The following SLC26A7 variants were observed in gnomAD, a reference collection of about 807,000 sequenced individuals.
SLC26A7 encodes solute carrier family 26 member 7.
SLC26A7 carries 59 observed loss-of-function variants against 82.5 expected under a neutral mutation model. The ratio of observed to expected loss-of-function variants is 0.72; its 90% confidence interval spans 0.58 to 0.89. The LOEUF is 0.89. Ranked by LOEUF, SLC26A7 falls within the 40% of genes least tolerant of loss-of-function variation. The pLI, the probability that SLC26A7 is intolerant of heterozygous loss-of-function variation, is 0.00. For missense variants in SLC26A7, 820 were observed against 793.0 expected, an observed-to-expected ratio of 1.03 and a Z score of -0.41; for synonymous variants, 271 against 274.3, an observed-to-expected ratio of 0.99 and a Z score of 0.12.
At chr8:91,259,695 C>G (rs1216325838) in intron 2 of SLC26A7, among the ~76,000 whole-genome samples, 1 of 152,030 alleles carries the variant, frequency 6.6e-6, no homozygotes, top group Admixed American at 6.6e-5. Context: ...CATGGTATTT[C>G]CTCTAAAATG....
chr8:91,338,080 A>G (rs1272128448), intron 6 of SLC26A7, 70 bp from the exon 7 acceptor site: 2 of 1,006,546 alleles, frequency 2.0e-6, no homozygotes, highest in African/African-American at 1.7e-5. Flanking sequence ...TTACTTTTAA[A>G]AATTGTTTTA....
At chr8:91,365,937 A>G (rs1814179957) in intron 13 of SLC26A7, among the ~76,000 whole-genome samples, 1 of 152,224 alleles carries the variant, frequency 6.6e-6, no homozygotes, top group Non-Finnish European at 1.5e-5. Context: ...TTTTAGTTGC[A>G]CATCACCAAG....
chr8:91,259,643 G>C (rs1270707952), intron 2 of SLC26A7, among the ~76,000 whole-genome samples: 1 of 151,988 alleles, frequency 6.6e-6, no homozygotes, highest in Non-Finnish European at 1.5e-5. Context: ...ACCGCACTTA[G>C]TATTCTAAAG....
chr8:91,320,048 C>G (rs1812747969), intron 5 of SLC26A7, among the ~76,000 whole-genome samples: 1 of 152,060 alleles, frequency 6.6e-6, no homozygotes, highest in Non-Finnish European at 1.5e-5. Flanking sequence ...TAGATCAACA[C>G]TGTGGGACTT....
At chr8:91,223,016 G>A (rs1206375352) in intron 2 of SLC26A7, among the ~76,000 whole-genome samples, 14 of 152,100 alleles carry the variant, frequency 9.2e-5, no homozygotes, top group Admixed American at 9.2e-4. Flanking sequence ...TTCAGAACTT[G>A]CTATTGGTCT....
In SLC26A7 at chr8:91,353,522, T is replaced by C. The variant is rs922608780; in HGVS notation, c.1314+526T>C. On this transcript the variant is annotated intron_variant, in intron 11 of 18. Coordinates refer to ENST00000276609, the MANE Select transcript of SLC26A7 (RefSeq NM_052832.4). The stretch of plus-strand genomic sequence containing the variant: ...CAGATTAAAATATATTGAACCATGA[T>C]AAAGTGTGATTTCTACGAACATAAA... Among the ~76,000 whole-genome samples, 6 of 152,222 alleles carry C rather than the reference T, an allele frequency of 3.9e-5. No homozygotes were observed. In the South Asian group the frequency reaches 1.0e-3, roughly 26 times the overall value.
At chr8:91,334,103 G>A (rs561513696) in intron 5 of SLC26A7, among the ~76,000 whole-genome samples, 192 bp from the exon 6 acceptor site, 230 of 152,256 alleles carry the variant, frequency 1.5e-3, no homozygotes, top group Non-Finnish European at 2.8e-3. Context: ...AAAGAATCAA[G>A]GGTACAGAAA....
chr8:91,330,949 G>A (rs553799641), intron 5 of SLC26A7, among the ~76,000 whole-genome samples: 161 of 152,216 alleles, frequency 1.1e-3, no homozygotes, highest in Non-Finnish European at 1.9e-3. Flanking sequence ...CTGTAATCAA[G>A]AAGTCTAGAT....
chr8:91,384,764 GAGGAAGGA>G lies in SLC26A7; in HGVS notation c.1676-4548_1676-4541del, dbSNP rs34207560. Among the ~76,000 whole-genome samples the G allele has an allele frequency of 6.2e-3, 924 of 150,014 alleles. 6 individuals are homozygous for G. The highest frequency in any genetic ancestry group is 0.021 in the African/African-American group (835 of 40,224). The stretch of plus-strand genomic sequence containing the variant: ...TACATCTATATTAGCTGACTGCTGG[GAGGAAGGA>G]AGGAAGGAAGGAAGGAAGGAAGGAA... On this transcript the variant is annotated intron_variant, in intron 15 of 18. Transcript: ENST00000276609.
intron 2 of SLC26A7, among the ~76,000 whole-genome samples, chr8:91,254,777 T>C (rs1810756110): frequency 6.6e-6 from 1 of 152,188 alleles, no homozygotes; most frequent in Admixed American, 6.5e-5. Flanking sequence ...CTTGTATTTT[T>C]TAAAAATATT....
intron 2 of SLC26A7, among the ~76,000 whole-genome samples, chr8:91,286,623 C>T (rs1000786404): frequency 1.1e-4 from 16 of 151,990 alleles, no homozygotes; most frequent in East Asian, 1.9e-4. Context: ...TATTTTTCCC[C>T]GAAATAGTAG....
rs182456481 is a variant in SLC26A7, at chr8:91,288,097, G to A, written c.194-1039G>A. ...TGAAAAATATCTGAAAGATAACTAC[G>A]GAGCTTATTAAGAAGGGAATTTCAT... On this transcript the variant is annotated intron_variant, in intron 2 of 18. Coordinates refer to ENST00000276609, the MANE Select transcript of SLC26A7 (RefSeq NM_052832.4). Among the ~76,000 whole-genome samples the A allele has an allele frequency of 1.0e-3, 159 of 152,164 alleles. 1 individual carries two copies. Among genetic ancestry groups the A allele is most frequent in the South Asian group, 5.6e-3 (27 of 4,818 alleles).
At position 91,226,831 on chromosome 8, in the gene SLC26A7, G is replaced by T. The variant is rs2130669653; in HGVS notation, c.-34+7826G>T. 1.3e-5 allele frequency among the ~76,000 whole-genome samples: 2 copies of T among 152,358 alleles called. 1 individual carries two copies. The highest frequency in any genetic ancestry group is 3.9e-4 in the East Asian group (2 of 5,194). The stretch of plus-strand genomic sequence containing the variant: ...AGAGATCTGAAGCAAGTGAATGAGT[G>T]AGTCCTATGGATATAATGGATAGGA... On this transcript the variant is annotated intron_variant, in intron 2 of 5. Transcript: ENST00000522862.
chr8:91,234,781 T>TTCCTTCCC (rs1810363216), intron 2 of SLC26A7, among the ~76,000 whole-genome samples: 1 of 119,010 alleles, frequency 8.4e-6, no homozygotes, highest in Non-Finnish European at 1.9e-5. Flanking sequence ...CCTTCCTTCC[T>TTCCTTCCC]TCCCTCCCTC....
intron 5 of SLC26A7, among the ~76,000 whole-genome samples, chr8:91,323,411 A>G (rs7823924): frequency 0.055 from 8,329 of 152,274 alleles, 272 homozygotes; most frequent in African/African-American, 0.069. Flanking sequence ...TCCATCCCTC[A>G]CAATTCACTG....
At chr8:91,282,836 A>G (rs1811610458) in intron 2 of SLC26A7, among the ~76,000 whole-genome samples, 1 of 152,152 alleles carries the variant, frequency 6.6e-6, no homozygotes. Flanking sequence ...CTAAGCAAAC[A>G]TTTTCAGAAT....
At chr8:91,374,640 A>G (rs1467107010) in intron 15 of SLC26A7, among the ~76,000 whole-genome samples, 1 of 151,922 alleles carries the variant, frequency 6.6e-6, no homozygotes, top group African/African-American at 2.4e-5. Context: ...GATTTGCTTT[A>G]TGATCAAGCA....
At chr8:91,286,696 T>C (rs1811720778) in intron 2 of SLC26A7, among the ~76,000 whole-genome samples, 4 of 152,174 alleles carry the variant, frequency 2.6e-5, no homozygotes. Context: ...ACAGAGAAAG[T>C]AGAGATAATT....
chr8:91,340,319 G>C lies in SLC26A7; in HGVS notation c.879-85G>C, dbSNP rs1813367311. On this transcript the variant is annotated intron_variant, in intron 7 of 18. Transcript: ENST00000276609. ...TCACTTAGTCTATGTAAACTTCAGA[G>C]TCATTGCCACAGTTAAATTCATTGC... 24 of 1,513,524 alleles carry C rather than the reference G, an allele frequency of 1.6e-5. No homozygotes were observed. The South Asian group carries it at 3.0e-4, about 19-fold the overall frequency. The allele number at this position is 1,513,524 out of a possible 1,614,324, so 93.8% of individuals were successfully genotyped here.
Sources: allele counts gnomAD v4.1 joint callset (sites outside exome capture counted in the v4.1 genomes callset), GRCh38; gene constraint gnomAD v4.1.1; transcripts MANE v1.5; gene names NCBI Gene and HGNC (gene_info 2026-07-23, HGNC 2026-07-21).